Variants in THEMIS observed in about 807,000 individuals in gnomAD.
THEMIS encodes the protein thymocyte selection associated, also known as protein THEMIS.
Under a neutral mutation model 52.6 loss-of-function variants are expected in THEMIS, and 37 were observed. The observed-to-expected ratio is 0.70, with a 90% CI of 0.54 to 0.93. The LOEUF is 0.93. THEMIS is among the 40% of genes least tolerant of loss of function. THEMIS has a pLI of 0.00. For missense variants in THEMIS, 808 were observed against 763.1 expected, an observed-to-expected ratio of 1.06 and a Z score of -0.69; for synonymous variants, 292 against 272.7, an observed-to-expected ratio of 1.07 and a Z score of -0.70.
intron 4 of THEMIS, among the ~76,000 whole-genome samples, chr6:127,734,913 A>ATATATG (rs1398876841): frequency 7.8e-4 from 83 of 106,432 alleles, no homozygotes; most frequent in Middle Eastern, 5.6e-3. Flanking sequence ...ATATATATAT[A>ATATATG]TGTGTGTGTG....
At chr6:127,868,847 T>G (rs1285559683) in intron 1 of THEMIS, among the ~76,000 whole-genome samples, 1 of 152,192 alleles carries the variant, frequency 6.6e-6, no homozygotes, top group African/African-American at 2.4e-5. Context: ...CATTTGCTTA[T>G]GTGTTGACTT....
intron 4 of THEMIS, among the ~76,000 whole-genome samples, chr6:127,792,836 T>A (rs80175877): frequency 0.022 from 3,405 of 152,278 alleles, 140 homozygotes; most frequent in African/African-American, 0.078. Flanking sequence ...GCACAGACAA[T>A]GAGAAAGCAC....
At chr6:127,702,820 G>A in the THEMIS span, among the ~76,000 whole-genome samples, 2 of 151,934 alleles carry the variant, frequency 1.3e-5, no homozygotes, top group Non-Finnish European at 2.9e-5. Context: ...GAGAGCTTGT[G>A]CAGGGAAACT....
At chr6:127,802,830 G>A (rs1777581207) in intron 4 of THEMIS, among the ~76,000 whole-genome samples, 1 of 152,094 alleles carries the variant, frequency 6.6e-6, no homozygotes, top group Admixed American at 6.6e-5. Context: ...CTTTTACCAG[G>A]GTAACTGTGC....
chr6:127,742,449 C>T (rs955736928), intron 4 of THEMIS, among the ~76,000 whole-genome samples: 1 of 150,832 alleles, frequency 6.6e-6, no homozygotes, highest in Non-Finnish European at 1.5e-5. Flanking sequence ...AGCAGAGACT[C>T]TAACAGATAT....
chr6:127,710,440 G>A (rs941295016), intron 5 of THEMIS, among the ~76,000 whole-genome samples: 2 of 151,930 alleles, frequency 1.3e-5, no homozygotes, highest in Non-Finnish European at 2.9e-5. Context: ...TCTGTTTCCA[G>A]ACTCAACAGG....
At chr6:127,756,385 C>T (rs1775826733) in intron 4 of THEMIS, among the ~76,000 whole-genome samples, 4 of 152,074 alleles carry the variant, frequency 2.6e-5, no homozygotes, top group Admixed American at 2.6e-4. Context: ...GCTTCCATGA[C>T]CAAATTCAAT....
At chr6:127,761,811 C>T (rs1776031247) in intron 4 of THEMIS, among the ~76,000 whole-genome samples, 1 of 152,044 alleles carries the variant, frequency 6.6e-6, no homozygotes, top group Non-Finnish European at 1.5e-5. Context: ...ACCCAGAGTG[C>T]CAATAGCACA....
chr6:127,833,457 C>T lies in THEMIS; in HGVS notation c.251-3523G>A, dbSNP rs373663302. Among the ~76,000 whole-genome samples, 12 of 152,260 alleles carry T rather than the reference C, an allele frequency of 7.9e-5. 1 individual carries two copies. Among genetic ancestry groups the T allele is most frequent in the Admixed American group, 7.2e-4 (11 of 15,284 alleles). ...GATATGAAAATAGTTACAATTTTTA[C>T]AACTGGTAGTCATAGCTCTGGAATC... On this transcript the variant is annotated intron_variant, in intron 2 of 5. Coordinates refer to ENST00000368248, the MANE Select transcript of THEMIS (RefSeq NM_001010923.3).
chr6:127,896,695 G>A (rs771060370), intron 1 of THEMIS, among the ~76,000 whole-genome samples: 3 of 151,516 alleles, frequency 2.0e-5, no homozygotes, highest in African/African-American at 4.8e-5. Flanking sequence ...TTCTAAAGCA[G>A]TAGTTATCAA....
At chr6:127,779,096 A>G (rs938216015) in intron 4 of THEMIS, among the ~76,000 whole-genome samples, 1 of 152,114 alleles carries the variant, frequency 6.6e-6, no homozygotes, top group African/African-American at 2.4e-5. Flanking sequence ...GAAACTACAG[A>G]CTGCCTACAT....
chr6:127,904,873 G>A (rs1363893225), upstream of THEMIS, among the ~76,000 whole-genome samples: 3 of 152,036 alleles, frequency 2.0e-5, no homozygotes, highest in African/African-American at 7.2e-5. Context: ...GGTTTTAACA[G>A]CAAATGGGAC....
At chr6:127,729,371 TG>T (rs1339221355) in intron 4 of THEMIS, among the ~76,000 whole-genome samples, 1 of 152,168 alleles carries the variant, frequency 6.6e-6, no homozygotes, top group Non-Finnish European at 1.5e-5. Flanking sequence ...GAGAGGTCTA[TG>T]GAAGATATTT....
At chr6:127,780,831 C>T (rs983933088) in intron 4 of THEMIS, among the ~76,000 whole-genome samples, 6 of 152,048 alleles carry the variant, frequency 3.9e-5, no homozygotes, top group African/African-American at 1.4e-4. Flanking sequence ...AATATTTTTT[C>T]CTTCATTTCA....
chr6:127,837,068 C>T (rs1413929061), intron 2 of THEMIS, among the ~76,000 whole-genome samples: 1 of 152,006 alleles, frequency 6.6e-6, no homozygotes, highest in Admixed American at 6.6e-5. Flanking sequence ...TGGGGTTTTC[C>T]AAGGTTTGTG....
chr6:127,917,449 G>A (rs1483409833), intron 1 of THEMIS, among the ~76,000 whole-genome samples: 1 of 152,222 alleles, frequency 6.6e-6, no homozygotes, highest in Non-Finnish European at 1.5e-5. Context: ...AGGAACCGGG[G>A]CAGTAGAATC....
At chr6:127,889,041 T>C (rs270022) in intron 1 of THEMIS, among the ~76,000 whole-genome samples, 40,089 of 151,962 alleles carry the variant, frequency 0.26, 5,837 homozygotes, top group Middle Eastern at 0.42. Context: ...AACAATAAAG[T>C]ATATTTCTTA....
chr6:127,800,971 G>T (rs1777512519), intron 4 of THEMIS, among the ~76,000 whole-genome samples: 1 of 152,172 alleles, frequency 6.6e-6, no homozygotes, highest in South Asian at 2.1e-4. Flanking sequence ...GAATATTAAG[G>T]ATGAAGTTCT....
chr6:127,769,301 T>C (rs975888842), intron 4 of THEMIS, among the ~76,000 whole-genome samples: 2 of 152,138 alleles, frequency 1.3e-5, no homozygotes, highest in Non-Finnish European at 2.9e-5. Flanking sequence ...ATTAAACTTC[T>C]AAGATTGTTG....
Sources: allele counts gnomAD v4.1 joint callset (sites outside exome capture counted in the v4.1 genomes callset), GRCh38; gene constraint gnomAD v4.1.1; transcripts MANE v1.5; gene names NCBI Gene and HGNC (gene_info 2026-07-23, HGNC 2026-07-21).